C16orf54: variants seen among roughly 807,000 people sequenced by gnomAD.
C16orf54 encodes the protein transmembrane protein C16orf54.
In C16orf54, 2 loss-of-function variants were observed where a neutral mutation model predicts 3.9. That is an observed-to-expected ratio of 0.52 (90% CI 0.21 to 1.63). The LOEUF (loss-of-function observed/expected upper bound fraction) is 1.63. C16orf54 is among the 40% of genes most tolerant of loss of function. The pLI is 0.21. For synonymous variants in C16orf54, 128 were observed against 135.1 expected, an observed-to-expected ratio of 0.95 and a Z score of 0.37; for missense variants, 272 against 326.3, an observed-to-expected ratio of 0.83 and a Z score of 1.28.
In C16orf54 at chr16:29,744,379, C is replaced by T. The variant is rs1317218391; in HGVS notation, c.573G>A (p.Arg191=). Residue 191 remains arginine (R), a synonymous_variant, in exon 2 of 2, where the codon CGG becomes CGA. Transcript: ENST00000329410. The surrounding 1 kb of genome is among the most constrained non-coding windows in gnomAD (Gnocchi z 7.1). The part of the protein sequence containing the change: ...QFGSPQARRQ[R]PGSPDPEWGL... ...CCCACTCAGGATCCGGGCTCCCTGGCCGCTGCCTCCTGGCCTGGGGGCTCC... is the reference window on the plus strand; with the variant it reads ...CCCACTCAGGATCCGGGCTCCCTGGTCGCTGCCTCCTGGCCTGGGGGCTCC... 6 of 1,609,828 alleles carry T rather than the reference C, an allele frequency of 3.7e-6. No homozygotes were observed. Among genetic ancestry groups the T allele is most frequent in the African/African-American group, 1.3e-5 (1 of 74,898 alleles).
rs963903218 is a variant in C16orf54 at position 29,743,897 on chromosome 16, C to T, written c.*380G>A. 5.5e-5 allele frequency: 15 copies of T among 273,552 alleles called. No individual in the cohort carries two copies. Among genetic ancestry groups the T allele is most frequent in the African/African-American group, 3.2e-4 (14 of 43,408 alleles). The allele number at this position is 273,552 out of a possible 1,614,324, so 16.9% of individuals were successfully genotyped here. The stretch of plus-strand genomic sequence containing the variant: ...TCGCCACACCGAGGCTGTTCAGCAC[C>T]GCAGGACCCGTTCTCTTTGGTATTG... On this transcript the variant is annotated 3_prime_UTR_variant, in exon 2 of 2. Transcript: ENST00000329410.
intron 1 of C16orf54, chr16:29,745,410 G>C (rs1968124578): frequency 6.5e-6 from 1 of 154,244 alleles, no homozygotes; most frequent in African/African-American, 2.4e-5. Context: ...GGTGGGGTGG[G>C]AGGACAGGCA....
Position 29,744,862 on chromosome 16 carries a change from G to A in C16orf54, c.90C>T (p.Pro30=). 6.8e-7 allele frequency: 1 copy of A among 1,476,606 alleles called. No homozygotes were observed. Among genetic ancestry groups the A allele is most frequent in the East Asian group, 2.5e-5 (1 of 39,728 alleles). The allele number at this position is 1,476,606 out of a possible 1,614,324, so 91.5% of individuals were successfully genotyped here. A position where few individuals can be genotyped will look rare whatever the true frequency, so the allele number is the denominator to read the frequency against. ...CCAGGACCAGCATGATGGGGATGCA[G>A]GGCCCACAGGGCAGTGAGGGCCATG... ...AAPWPSLPCG[P]CIPIMLVLAT... Residue 30 remains proline, a synonymous_variant, in exon 2 of 2, where the codon CCC becomes CCT. Transcript: ENST00000329410. The surrounding 1 kb of genome is among the most constrained non-coding windows in gnomAD (Gnocchi z 7.1).
At chr16:29,745,061 G>T in intron 1 of C16orf54, 110 bp from the exon 2 acceptor site, 1 of 1,175,442 alleles carries the variant, frequency 8.5e-7, no homozygotes, top group Non-Finnish European at 1.1e-6. Flanking sequence ...GGCTGGGCAT[G>T]GGGGCTCATG....
At position 29,744,822 on chromosome 16, in the gene C16orf54, G is replaced by A. The variant is rs1245745595; in HGVS notation, c.130C>T (p.Leu44Phe). The change falls in exon 2 of 2, where the codon CTC becomes TTC. Residue 44 changes from leucine (L) to phenylalanine (F), a missense_variant. Transcript: ENST00000329410. The surrounding 1 kb of genome is among the most constrained non-coding windows in gnomAD (Gnocchi z 7.1). ...AACACAGCGGTGGTGAGGATGAAGAGCGCAGCCAGGGTGGCCAGGACCAGC... is the reference window on the plus strand; with the variant it reads ...AACACAGCGGTGGTGAGGATGAAGAACGCAGCCAGGGTGGCCAGGACCAGC... The part of the protein sequence containing the change: ...IMLVLATLAA[L>F]FILTTAVLAE... The A allele has an allele frequency of 4.1e-6, 6 of 1,476,190 alleles. 1 individual carries two copies. In the South Asian group the frequency reaches 7.3e-5, roughly 18 times the overall value. 91.4% of individuals were successfully genotyped at this position (1,476,190 alleles called of 1,614,324 possible). A position where few individuals can be genotyped will look rare whatever the true frequency, so the allele number is the denominator to read the frequency against.
chr16:29,744,159 A>G lies in C16orf54; in HGVS notation c.*118T>C. ...ACCCGGGGAGGGGGACTCCAGGTGG[A>G]AGGAGCCTGGGAAGGGCATCTTCGC... On this transcript the variant is annotated 3_prime_UTR_variant, in exon 2 of 2. Coordinates refer to ENST00000329410, the MANE Select transcript of C16orf54 (RefSeq NM_175900.4). This position sits in a 1 kb window ranked among gnomAD's most constrained non-coding sequence, Gnocchi z 7.1. 1.0e-6 allele frequency: 1 copy of G among 952,946 alleles called. No homozygotes were observed. The highest frequency in any genetic ancestry group is 1.5e-5 in the South Asian group (1 of 67,320). 59.0% of individuals were successfully genotyped at this position (952,946 alleles called of 1,614,324 possible).
At position 29,744,647 on chromosome 16, in the gene C16orf54, AG is replaced by A; in HGVS notation, c.304del (p.Leu102CysfsTer2). 6.8e-7 allele frequency: 1 copy of A among 1,471,494 alleles called. No individual in the cohort carries two copies. Among genetic ancestry groups the A allele is most frequent in the Non-Finnish European group, 9.0e-7 (1 of 1,112,146 alleles). 91.2% of individuals were successfully genotyped at this position (1,471,494 alleles called of 1,614,324 possible). A position where few individuals can be genotyped will look rare whatever the true frequency, so the allele number is the denominator to read the frequency against. ...SEDWYGSAVP[L>X]LTDRAPEPPT... Reference sequence around the variant, plus strand: ...AGGCTCAGGGGCCCGATCTGTCAGCAGGGGGACCGCAGAGCCATACCAGTCC... The same window carrying A: ...AGGCTCAGGGGCCCGATCTGTCAGCAGGGGACCGCAGAGCCATACCAGTCC... On this transcript the variant is annotated frameshift_variant, in exon 2 of 2. Transcript: ENST00000329410. LOFTEE classifies it low-confidence loss of function (END_TRUNC). The surrounding 1 kb of genome is among the most constrained non-coding windows in gnomAD (Gnocchi z 7.1).
rs982919079 is a variant in C16orf54 at position 29,744,680 on chromosome 16, C to T, written c.272G>A (p.Arg91His). The stretch of plus-strand genomic sequence containing the variant: ...CGCAGAGCCATACCAGTCCTCAGAG[C>T]GCTCTCGGGCGGTGCCCATGGGCTC... ...WIEPMGTARE[R>H]SEDWYGSAVP... Residue 91 changes from arginine to histidine, a missense_variant, in exon 2 of 2, where the codon CGC becomes CAC. Coordinates refer to ENST00000329410, the MANE Select transcript of C16orf54 (RefSeq NM_175900.4). This position sits in a 1 kb window ranked among gnomAD's most constrained non-coding sequence, Gnocchi z 7.1. 2.3e-5 allele frequency: 34 copies of T among 1,469,450 alleles called. No individual in the cohort carries two copies. Among genetic ancestry groups the T allele is most frequent in the African/African-American group, 1.0e-4 (7 of 70,156 alleles). The allele number at this position is 1,469,450 out of a possible 1,614,324, so 91.0% of individuals were successfully genotyped here.
chr16:29,743,452 T>G lies in C16orf54; in HGVS notation c.*825A>C, dbSNP rs1968088414. The G allele has an allele frequency of 6.6e-6, 1 of 152,080 alleles. No homozygotes were observed. Among genetic ancestry groups the G allele is most frequent in the Non-Finnish European group, 1.5e-5 (1 of 68,054 alleles). 9.4% of individuals were successfully genotyped at this position (152,080 alleles called of 1,614,324 possible). The stretch of plus-strand genomic sequence containing the variant: ...TGTCTCTCTGGACACTCCAGCAAGC[T>G]GGAAGGGACGATGATCAGAGGTCAC... On this transcript the variant is annotated 3_prime_UTR_variant, in exon 2 of 2. Transcript: ENST00000329410.
chr16:29,743,855 TCTC>T lies in C16orf54; in HGVS notation c.*419_*421del, dbSNP rs1425948664. 5.2e-6 allele frequency: 1 copy of T among 194,172 alleles called. No homozygotes were observed. Among genetic ancestry groups the T allele is most frequent in the African/African-American group, 2.4e-5 (1 of 41,982 alleles). The allele number at this position is 194,172 out of a possible 1,614,324, so 12.0% of individuals were successfully genotyped here. ...GCTCTGGGAAACTGGATTCCTGTCATCTCCTGCCAGCTGTCATCGCCACACCGA... is the reference window on the plus strand; with the variant it reads ...GCTCTGGGAAACTGGATTCCTGTCATCTGCCAGCTGTCATCGCCACACCGA... On this transcript the variant is annotated 3_prime_UTR_variant, in exon 2 of 2. Coordinates refer to ENST00000329410, the MANE Select transcript of C16orf54 (RefSeq NM_175900.4).
chr16:29,744,698 A>T lies in C16orf54; in HGVS notation c.254T>A (p.Met85Lys). 6.8e-7 allele frequency: 1 copy of T among 1,468,894 alleles called. No homozygotes were observed. The highest frequency in any genetic ancestry group is 9.0e-7 in the Non-Finnish European group (1 of 1,111,042). The allele number at this position is 1,468,894 out of a possible 1,614,324, so 91.0% of individuals were successfully genotyped here. Reference sequence around the variant, plus strand: ...CTCAGAGCGCTCTCGGGCGGTGCCCATGGGCTCAATCCACAGCTCTCCTCC... The same window carrying T: ...CTCAGAGCGCTCTCGGGCGGTGCCCTTGGGCTCAATCCACAGCTCTCCTCC... ...RPGGELWIEP[M>K]GTARERSEDW... is the part of the protein sequence containing the mutation. Residue 85 changes from methionine (M) to lysine (K), a missense_variant, in exon 2 of 2, where the codon ATG becomes AAG. By Grantham distance (95) the Met-to-Lys change is moderately conservative (BLOSUM62 -1). Transcript: ENST00000329410. This position sits in a 1 kb window ranked among gnomAD's most constrained non-coding sequence, Gnocchi z 7.1.
rs761708869 is a variant in C16orf54 at position 29,744,571 on chromosome 16, G to A, written c.381C>T (p.Pro127=). 622 of 1,477,548 alleles carry A rather than the reference G, an allele frequency of 4.2e-4. 1 individual carries two copies. The highest frequency in any genetic ancestry group is 5.1e-4 in the Non-Finnish European group (574 of 1,115,292). 91.5% of individuals were successfully genotyped at this position (1,477,548 alleles called of 1,614,324 possible). ...LEARATAPPA[P]SAPNSAPSNL... is the part of the protein sequence containing the mutation. ...TGCTGGGAGCAGAATTTGGGGCTGA[G>A]GGGGCAGGTGGGGCTGTTGCTCGGG... Residue 127 remains proline, a synonymous_variant, in exon 2 of 2, where the codon CCC becomes CCT. Transcript: ENST00000329410. This position sits in a 1 kb window ranked among gnomAD's most constrained non-coding sequence, Gnocchi z 7.1.
At position 29,744,528 on chromosome 16, in the gene C16orf54, C is replaced by T. The variant is rs754320429; in HGVS notation, c.424G>A (p.Val142Ile). 27 of 1,512,598 alleles carry T rather than the reference C, an allele frequency of 1.8e-5. No homozygotes were observed. The South Asian group carries it at 1.9e-4, about 11-fold the overall frequency. The allele number at this position is 1,512,598 out of a possible 1,614,324, so 93.7% of individuals were successfully genotyped here. A position where few individuals can be genotyped will look rare whatever the true frequency, so the allele number is the denominator to read the frequency against. ...GTGCTCCGGGCTGGGACCTCCAGTACGGTCTGGGGGCCCAAGTTGCTGGGA... is the reference window on the plus strand; with the variant it reads ...GTGCTCCGGGCTGGGACCTCCAGTATGGTCTGGGGGCCCAAGTTGCTGGGA... ...SAPSNLGPQTVLEVPARSTFW... is the reference protein window; with the variant it reads ...SAPSNLGPQTILEVPARSTFW... The change falls in exon 2 of 2, where the codon GTA becomes ATA. Residue 142 changes from valine to isoleucine, a missense_variant. Physicochemically the swap from Val to Ile is conservative, Grantham distance 29 (BLOSUM62 3). Coordinates refer to ENST00000329410, the MANE Select transcript of C16orf54 (RefSeq NM_175900.4). This position sits in a 1 kb window ranked among gnomAD's most constrained non-coding sequence, Gnocchi z 7.1.
In C16orf54 at chr16:29,742,789, TA is replaced by T. The variant is rs145043959; in HGVS notation, c.*1487del. 1.6e-3 allele frequency: 235 copies of T among 143,794 alleles called. No homozygotes were observed. Among genetic ancestry groups the T allele is most frequent in the Middle Eastern group, 0.011 (3 of 280 alleles). 8.9% of individuals were successfully genotyped at this position (143,794 alleles called of 1,614,324 possible). On this transcript the variant is annotated 3_prime_UTR_variant, in exon 2 of 2. Coordinates refer to ENST00000329410, the MANE Select transcript of C16orf54 (RefSeq NM_175900.4). Reference sequence around the variant, plus strand: ...GGGCAACATAGCAAGACCCTGTCTCTAAAAAAAAAAAATAGCCAGGTGTGGT... The same window carrying T: ...GGGCAACATAGCAAGACCCTGTCTCTAAAAAAAAAAATAGCCAGGTGTGGT...
chr16:29,743,080 C>G lies in C16orf54; in HGVS notation c.*1197G>C, dbSNP rs1391479392. The stretch of plus-strand genomic sequence containing the variant: ...CAGGCAGTATGGTGAGACCGTGTCT[C>G]TACAAAAAAAATACAAAAATTAGCT... On this transcript the variant is annotated 3_prime_UTR_variant, in exon 2 of 2. Coordinates refer to ENST00000329410, the MANE Select transcript of C16orf54 (RefSeq NM_175900.4). 1 of 151,420 alleles carries G rather than the reference C, an allele frequency of 6.6e-6. No individual in the cohort carries two copies. The highest frequency in any genetic ancestry group is 2.4e-5 in the African/African-American group (1 of 41,180). 9.4% of individuals were successfully genotyped at this position (151,420 alleles called of 1,614,324 possible).
At position 29,744,632 on chromosome 16, in the gene C16orf54, G is replaced by T; in HGVS notation, c.320C>A (p.Ala107Asp). The T allele has an allele frequency of 1.4e-6, 2 of 1,467,676 alleles. No homozygotes were observed. Among genetic ancestry groups the T allele is most frequent in the Non-Finnish European group, 1.8e-6 (2 of 1,110,152 alleles). 90.9% of individuals were successfully genotyped at this position (1,467,676 alleles called of 1,614,324 possible). ...GSAVPLLTDRAPEPPTQVGTL... is the reference protein window; with the variant it reads ...GSAVPLLTDRDPEPPTQVGTL... ...GCCCACCTGGGTGGGAGGCTCAGGG[G>T]CCCGATCTGTCAGCAGGGGGACCGC... The change falls in exon 2 of 2, where the codon GCC (alanine) becomes GAC (aspartate). Residue 107 changes from alanine (A) to aspartate (D), a missense_variant. Ala to Asp is a moderately radical substitution (Grantham distance 126). Coordinates refer to ENST00000329410, the MANE Select transcript of C16orf54 (RefSeq NM_175900.4). This position sits in a 1 kb window ranked among gnomAD's most constrained non-coding sequence, Gnocchi z 7.1.
At chr16:29,745,552 C>T (rs536916280) in intron 1 of C16orf54, among the ~76,000 whole-genome samples, 22 of 152,228 alleles carry the variant, frequency 1.4e-4, no homozygotes, top group Non-Finnish European at 2.1e-4. Context: ...CCCACTCGGC[C>T]CCCTCAAGTC....
chr16:29,745,013 G>A, intron 1 of C16orf54, 62 bp from the exon 2 acceptor site: 1 of 1,351,732 alleles, frequency 7.4e-7, no homozygotes. Flanking sequence ...ACCAAGATGA[G>A]AGAGAGGCAG....
intron 1 of C16orf54, among the ~76,000 whole-genome samples, chr16:29,745,549 G>A (rs1451538041): frequency 5.9e-5 from 9 of 152,088 alleles, no homozygotes; most frequent in Non-Finnish European, 1.0e-4. Flanking sequence ...CTCCCCACTC[G>A]GCCCCCTCAA....
Sources: gnomAD v4.1 joint callset for allele counts (sites outside exome capture counted in the v4.1 genomes callset) on GRCh38, gnomAD v4.1.1 for gene constraint, Gnocchi (gnomAD v3.1) non-coding constraint, MANE v1.5 for transcripts, NCBI Gene and HGNC (gene_info 2026-07-23, HGNC 2026-07-21) for gene names.